TMEM45A: variants seen among roughly 807,000 people sequenced by gnomAD.
TMEM45A encodes DNA polymerase-transactivated protein 4.
Under a neutral mutation model 32.0 loss-of-function variants are expected in TMEM45A, and 25 were observed. The observed-to-expected ratio is 0.78, with a 90% CI of 0.57 to 1.09. The LOEUF (loss-of-function observed/expected upper bound fraction) is 1.09, where lower values mean the gene tolerates loss of function less well. Ranked by LOEUF, TMEM45A falls within the 50% of genes least tolerant of loss-of-function variation. TMEM45A has a pLI of 0.00. For synonymous variants in TMEM45A, 122 were observed against 114.8 expected (o/e 1.06, Z -0.40); for missense variants, 302 against 325.0 (o/e 0.93, Z 0.54).
At chr3:100,540,678 T>A (rs1053572091) in intron 1 of TMEM45A, among the ~76,000 whole-genome samples, 2 of 152,178 alleles carry the variant, frequency 1.3e-5, no homozygotes, top group Non-Finnish European at 2.9e-5. Flanking sequence ...ACCATACAAT[T>A]CAGAATTGTG....
chr3:100,558,204 A>C (rs754565707), intron 3 of TMEM45A, among the ~76,000 whole-genome samples: 3 of 152,194 alleles, frequency 2.0e-5, no homozygotes, highest in Non-Finnish European at 4.4e-5. Flanking sequence ...GGAAAGCAAA[A>C]AGAGGGTTCA....
At chr3:100,505,073 A>G (rs1708060536) in intron 1 of TMEM45A, among the ~76,000 whole-genome samples, 1 of 152,170 alleles carries the variant, frequency 6.6e-6, no homozygotes, top group Admixed American at 6.5e-5. Flanking sequence ...GGTTGTTGTC[A>G]CAGACTCATT....
At chr3:100,511,001 T>G (rs1396514140) in intron 1 of TMEM45A, among the ~76,000 whole-genome samples, 20 of 152,170 alleles carry the variant, frequency 1.3e-4, no homozygotes, top group Admixed American at 1.3e-3. Flanking sequence ...GTCTGATTGG[T>G]GTACCTGAAA....
At chr3:100,560,263 T>C (rs1296904578) in intron 4 of TMEM45A, among the ~76,000 whole-genome samples, 4 of 72,642 alleles carry the variant, frequency 5.5e-5, no homozygotes, top group Non-Finnish European at 1.5e-4. Flanking sequence ...CTCTCTCTCT[T>C]TTTTTTTTTT....
At chr3:100,527,285 T>G (rs1213919050) in intron 1 of TMEM45A, among the ~76,000 whole-genome samples, 1 of 152,250 alleles carries the variant, frequency 6.6e-6, no homozygotes, top group Non-Finnish European at 1.5e-5. Flanking sequence ...CTGCAGTATT[T>G]GATGACAAGA....
At chr3:100,506,416 T>C (rs1175890585) in intron 1 of TMEM45A, among the ~76,000 whole-genome samples, 1 of 152,010 alleles carries the variant, frequency 6.6e-6, no homozygotes, top group African/African-American at 2.4e-5. Context: ...CACCCCAAAA[T>C]AGTAATGTAG....
intron 1 of TMEM45A, among the ~76,000 whole-genome samples, chr3:100,507,530 G>A (rs1340449033): frequency 6.6e-6 from 1 of 152,060 alleles, no homozygotes; most frequent in African/African-American, 2.4e-5. Flanking sequence ...TAAAGGAGGG[G>A]GTCTTAAAAT....
chr3:100,560,263 T>TCTC (rs1559651633), intron 4 of TMEM45A, among the ~76,000 whole-genome samples: 3 of 72,694 alleles, frequency 4.1e-5, no homozygotes, highest in Non-Finnish European at 7.3e-5. Flanking sequence ...CTCTCTCTCT[T>TCTC]TTTTTTTTTT....
intron 1 of TMEM45A, among the ~76,000 whole-genome samples, chr3:100,531,808 A>AC (rs1705653523): frequency 6.6e-6 from 1 of 152,226 alleles, no homozygotes; most frequent in African/African-American, 2.4e-5. Context: ...TACCATAATG[A>AC]TGCTGGCGAT....
chr3:100,514,155 C>G (rs1414040886), intron 1 of TMEM45A, among the ~76,000 whole-genome samples: 2 of 152,124 alleles, frequency 1.3e-5, no homozygotes, highest in Non-Finnish European at 2.9e-5. Context: ...CAAAAAAGAG[C>G]CCGCATTGCC....
At chr3:100,536,296 A>G (rs1465984165) in intron 1 of TMEM45A, among the ~76,000 whole-genome samples, 1 of 152,214 alleles carries the variant, frequency 6.6e-6, no homozygotes, top group Non-Finnish European at 1.5e-5. Flanking sequence ...TGGTTAAAAA[A>G]GATTCTGATT....
At chr3:100,531,811 C>T (rs746759408) in intron 1 of TMEM45A, among the ~76,000 whole-genome samples, 1 of 152,158 alleles carries the variant, frequency 6.6e-6, no homozygotes, top group Non-Finnish European at 1.5e-5. Flanking sequence ...CATAATGATG[C>T]TGGCGATTTA....
Position 100,546,502 on chromosome 3 carries a change from G to C in TMEM45A, c.-3-8707G>C, listed in dbSNP as rs754671562. 5.3e-5 allele frequency among the ~76,000 whole-genome samples: 8 copies of C among 152,274 alleles called. No individual in the cohort carries two copies. In the South Asian group the frequency reaches 6.2e-4, roughly 12 times the overall value. ...TGGAACTACAGAATGAAAACTTTAC[G>C]TTCTTACTACATCATTAATGATCAG... is the stretch of plus-strand genomic sequence containing the variant. On this transcript the variant is annotated intron_variant, in intron 1 of 5. Coordinates refer to ENST00000323523, the MANE Select transcript of TMEM45A (RefSeq NM_018004.3).
intron 5 of TMEM45A, chr3:100,571,211 C>G (rs1000445926): frequency 6.6e-6 from 1 of 152,144 alleles, no homozygotes; most frequent in Non-Finnish European, 1.5e-5. Flanking sequence ...CCTCCACAAT[C>G]ATTACTCCCA....
intron 5 of TMEM45A, chr3:100,574,569 G>A (rs1431914322): frequency 6.6e-6 from 1 of 152,274 alleles, no homozygotes; most frequent in Non-Finnish European, 1.5e-5. Context: ...TCTACCAGAG[G>A]TCCCTCCAAG....
intron 3 of TMEM45A, 75 bp from the exon 4 acceptor site, chr3:100,558,330 G>T: frequency 1.9e-6 from 3 of 1,565,030 alleles, no homozygotes; most frequent in South Asian, 2.3e-5. Context: ...TTCTGTCTAC[G>T]GAGAGAGGGA....
intron 1 of TMEM45A, among the ~76,000 whole-genome samples, chr3:100,539,359 C>A (rs1001662943): frequency 6.6e-5 from 10 of 151,682 alleles, no homozygotes; most frequent in African/African-American, 1.7e-4. Flanking sequence ...AAAAATAAGT[C>A]TTTTTAACAG....
At position 100,525,437 on chromosome 3, in the gene TMEM45A, A is replaced by C. The variant is rs368586711; in HGVS notation, c.-3-29772A>C. On this transcript the variant is annotated intron_variant, in intron 1 of 5. Coordinates refer to ENST00000323523, the MANE Select transcript of TMEM45A (RefSeq NM_018004.3). ...TGTGGAGCTTATGTCTGATGGGGGG[A>C]AGGTAGAAAAGCAACAACAGCAACA... Among the ~76,000 whole-genome samples the C allele has an allele frequency of 2.6e-5, 4 of 151,928 alleles. No homozygotes were observed. In the East Asian group the frequency reaches 5.8e-4, roughly 22 times the overall value.
chr3:100,575,369 T>C (rs1706661876), intron 5 of TMEM45A, among the ~76,000 whole-genome samples: 3 of 127,466 alleles, frequency 2.4e-5, no homozygotes, highest in African/African-American at 1.1e-4. Context: ...TTCTCTTTTT[T>C]TTTTTTTTTT....
Sources: allele counts gnomAD v4.1 joint callset (sites outside exome capture counted in the v4.1 genomes callset), GRCh38; gene constraint gnomAD v4.1.1; transcripts MANE v1.5; gene names NCBI Gene and HGNC (gene_info 2026-07-23, HGNC 2026-07-21).